STARD13: variants seen among roughly 807,000 people sequenced by gnomAD.
STARD13 encodes StAR related lipid transfer domain containing 13.
Under a neutral mutation model 106.4 loss-of-function variants are expected in STARD13, and 62 were observed. The ratio of observed to expected loss-of-function variants is 0.58; its 90% CI spans 0.48 to 0.72. The LOEUF (loss-of-function observed/expected upper bound fraction) is 0.72, where lower values mean the gene tolerates loss of function less well. Among genes scored for constraint, STARD13 ranks in the 30% least tolerant of loss-of-function variants. STARD13 has a pLI of 0.00. For missense variants in STARD13, 1,387 were observed against 1,424.0 expected, an observed-to-expected ratio of 0.97 and a Z score of 0.42; for synonymous variants, 565 against 553.0, an observed-to-expected ratio of 1.02 and a Z score of -0.31.
At chr13:33,345,247 A>G (rs2078005531), downstream of STARD13, among the ~76,000 whole-genome samples, 1 of 152,240 alleles carries the variant, frequency 6.6e-6, no homozygotes, top group African/African-American at 2.4e-5. Flanking sequence ...TACACTAAAG[A>G]GTGCAATGGG....
chr13:33,627,626 G>C, the STARD13 span, among the ~76,000 whole-genome samples: 1 of 147,890 alleles, frequency 6.8e-6, no homozygotes, highest in Non-Finnish European at 1.5e-5. Context: ...GACAGAGCAA[G>C]ACTCCATCTC....
At chr13:33,164,742 G>A (rs1283395369) in intron 3 of STARD13, among the ~76,000 whole-genome samples, 1 of 152,120 alleles carries the variant, frequency 6.6e-6, no homozygotes, top group Non-Finnish European at 1.5e-5. Context: ...GTTGTTTTAA[G>A]GGGAAGAAAT....
rs144484936 is a variant in STARD13 at position 33,111,811 on chromosome 13, C to T, written c.2574G>A (p.Ala858=). 3.0e-5 allele frequency: 48 copies of T among 1,613,900 alleles called. No individual in the cohort carries two copies. The highest frequency in any genetic ancestry group is 2.7e-4 in the East Asian group (12 of 44,892). The change falls in exon 10 of 14, where the codon GCG becomes GCA. Residue 858 remains alanine, a synonymous_variant. Transcript: ENST00000336934. ...NENLAAAQGL[A]HMIMECDRLF... ...GTCTGTCGCATTCCATGATCATGTG[C>T]GCTAGCCCCTGAGCTGCTGCCAGAT...
At chr13:33,385,859 A>C in the STARD13 span, among the ~76,000 whole-genome samples, 149 of 147,932 alleles carry the variant, frequency 1.0e-3, no homozygotes, top group Non-Finnish European at 1.7e-3. Flanking sequence ...TCAAAAAAAA[A>C]AAAACAAAAA....
At chr13:33,476,950 C>A in the STARD13 span, among the ~76,000 whole-genome samples, 1 of 152,094 alleles carries the variant, frequency 6.6e-6, no homozygotes, top group Non-Finnish European at 1.5e-5. Flanking sequence ...AGACACAGGG[C>A]CAGAAATTAA....
chr13:33,264,320 T>C (rs1180813631), intron 1 of STARD13, among the ~76,000 whole-genome samples: 1 of 152,210 alleles, frequency 6.6e-6, no homozygotes, highest in Non-Finnish European at 1.5e-5. Context: ...CCACTAAGTT[T>C]GGGACAGTTT....
the STARD13 span, among the ~76,000 whole-genome samples, chr13:33,602,298 A>G: frequency 6.6e-6 from 1 of 152,072 alleles, no homozygotes; most frequent in Non-Finnish European, 1.5e-5. Context: ...TCATCGTGTT[A>G]GCCAGGATGG....
the STARD13 span, among the ~76,000 whole-genome samples, chr13:33,572,596 A>G: frequency 6.6e-6 from 1 of 152,188 alleles, no homozygotes; most frequent in Admixed American, 6.6e-5. Flanking sequence ...TTCAAATGGC[A>G]TTGGAATACA....
chr13:33,209,341 G>A (rs1887587324), intron 1 of STARD13, among the ~76,000 whole-genome samples: 1 of 152,096 alleles, frequency 6.6e-6, no homozygotes, highest in Admixed American at 6.5e-5. Flanking sequence ...GAGCCAATCA[G>A]CATTGGAAAG....
chr13:33,551,352 G>A, the STARD13 span, among the ~76,000 whole-genome samples: 1 of 152,198 alleles, frequency 6.6e-6, no homozygotes, highest in East Asian at 1.9e-4. Context: ...GGTCAGGTGT[G>A]GAATTTTCAA....
chr13:33,117,260 C>T (rs918742236), intron 8 of STARD13, among the ~76,000 whole-genome samples: 4 of 152,170 alleles, frequency 2.6e-5, no homozygotes, highest in African/African-American at 9.7e-5. Context: ...AGGCACCCGC[C>T]ACCATGCCTG....
chr13:33,663,352 A>G, the STARD13 span, among the ~76,000 whole-genome samples: 34 of 152,246 alleles, frequency 2.2e-4, no homozygotes, highest in Admixed American at 1.2e-3. Context: ...ATGGACAAAA[A>G]ATAATGATAT....
At chr13:33,337,443 C>CT in intron 1 of STARD13, among the ~76,000 whole-genome samples, 1 of 152,128 alleles carries the variant, frequency 6.6e-6, no homozygotes, top group East Asian at 1.9e-4. Flanking sequence ...TACCACAATA[C>CT]TTTTTAAAAA....
chr13:33,499,003 T>A, the STARD13 span, among the ~76,000 whole-genome samples: 2 of 152,112 alleles, frequency 1.3e-5, no homozygotes, highest in African/African-American at 4.8e-5. Context: ...ACAGGTGTGG[T>A]GGCACATGCC....
chr13:33,612,830 C>G, the STARD13 span, among the ~76,000 whole-genome samples: 1 of 152,174 alleles, frequency 6.6e-6, no homozygotes, highest in Admixed American at 6.5e-5. Flanking sequence ...CACAAAAGAC[C>G]GAAGACTGTT....
chr13:33,419,270 A>G, the STARD13 span, among the ~76,000 whole-genome samples: 1 of 152,232 alleles, frequency 6.6e-6, no homozygotes, highest in Non-Finnish European at 1.5e-5. Context: ...AGAAGACCTT[A>G]AATGACCTGA....
At chr13:33,473,959 T>G in the STARD13 span, among the ~76,000 whole-genome samples, 258 of 152,324 alleles carry the variant, frequency 1.7e-3, 3 homozygotes, top group South Asian at 0.017. Flanking sequence ...TGTTTGAGTT[T>G]GGACACTCTT....
At chr13:33,207,055 G>A (rs115972424) in intron 1 of STARD13, among the ~76,000 whole-genome samples, 2,699 of 152,286 alleles carry the variant, frequency 0.018, 91 homozygotes, top group African/African-American at 0.06. Flanking sequence ...TTCAACAACA[G>A]AGAGAATATT....
the STARD13 span, among the ~76,000 whole-genome samples, chr13:33,478,428 T>C: frequency 2.0e-5 from 3 of 152,334 alleles, no homozygotes; most frequent in African/African-American, 4.8e-5. Flanking sequence ...AAAATATTTT[T>C]TCACATTATA....
Sources: gnomAD v4.1 joint callset for allele counts (sites outside exome capture counted in the v4.1 genomes callset) on GRCh38, gnomAD v4.1.1 for gene constraint, MANE v1.5 for transcripts, NCBI Gene and HGNC (gene_info 2026-07-23, HGNC 2026-07-21) for gene names.